TTN: variants seen among roughly 807,000 people sequenced by gnomAD.
The protein encoded by TTN is titin, also known as connectin.
In TTN, 1,525 loss-of-function variants were observed where a neutral mutation model predicts 3,223.0. The observed-to-expected ratio is 0.47, with a 90% confidence interval of 0.45 to 0.49. The LOEUF (loss-of-function observed/expected upper bound fraction) is 0.49. Among genes scored for constraint, TTN ranks in the 20% least tolerant of loss-of-function variants. TTN has a pLI of 0.00. For missense variants in TTN, 40,786 were observed against 43,424.0 expected, an observed-to-expected ratio of 0.94 and a Z score of 5.40; for synonymous variants, 14,094 against 15,161.0, an observed-to-expected ratio of 0.93 and a Z score of 5.17.
At chr2:178,626,546 G>T (rs1351297468) in intron 240 of TTN, among the ~76,000 whole-genome samples, 1 of 151,924 alleles carries the variant, frequency 6.6e-6, no homozygotes, top group Non-Finnish European at 1.5e-5. Flanking sequence ...CTAGTGTAAA[G>T]AAAAGAATCA....
rs1553719573 is a variant in TTN, at chr2:178,621,866, C to A, written c.45056G>T (p.Arg15019Ile). Residue 15019 changes from arginine (R) to isoleucine (I), a missense_variant, in exon 244 of 363, where the codon AGA becomes ATA. Arg to Ile is a moderately conservative substitution (Grantham distance 97, BLOSUM62 -3). Coordinates refer to ENST00000589042, the MANE Select transcript of TTN (RefSeq NM_001267550.2). ...CAGAACTGTCAGCATGCCAGAAGTTCTCGCTGTCCTTACTTCACAGGAATA... is the reference window on the plus strand; with the variant it reads ...CAGAACTGTCAGCATGCCAGAAGTTATCGCTGTCCTTACTTCACAGGAATA... The part of the protein sequence containing the change: ...AEYSCEVRTA[R>I]TSGMLTVLEE... 1.2e-6 allele frequency: 2 copies of A among 1,612,156 alleles called. No individual in the cohort carries two copies. Among genetic ancestry groups the A allele is most frequent in the Middle Eastern group, 3.3e-4 (2 of 6,044 alleles).
Position 178,713,109 on chromosome 2 carries a change from A to G in TTN, c.27025T>C (p.Cys9009Arg), listed in dbSNP as rs369287578. The G allele has an allele frequency of 6.2e-7, 1 of 1,613,640 alleles. No individual in the cohort carries two copies. Among genetic ancestry groups the G allele is most frequent in the Admixed American group, 1.7e-5 (1 of 60,002 alleles). Residue 9009 changes from cysteine to arginine, a missense_variant, in exon 93 of 363, where the codon TGT becomes CGT. Transcript: ENST00000589042. Reference sequence around the variant, plus strand: ...CCTCTCACAGTCAAAGGAGCACTACATTCATCAGAACCAGCCATATTAGTA... The same window carrying G: ...CCTCTCACAGTCAAAGGAGCACTACGTTCATCAGAACCAGCCATATTAGTA... ...IATNMAGSDE[C>R]SAPLTVREPP...
In TTN at chr2:178,723,472, C is replaced by T. The variant is rs2078788121; in HGVS notation, c.21628G>A (p.Val7210Met). The change falls in exon 74 of 363, where the codon GTG becomes ATG. Residue 7210 changes from valine (V) to methionine (M), a missense_variant. Physicochemically the swap from Val to Met is conservative, Grantham distance 21. Transcript: ENST00000589042. ...GCTTGGCCAGCGTTGTTAGAAACCA[C>T]ACAGGTGTATTCCCCACTCTGAGAT... ...DISQSGEYTC[V>M]VSNNAGQASC... The T allele has an allele frequency of 2.5e-6, 4 of 1,613,332 alleles. No individual in the cohort carries two copies. Among genetic ancestry groups the T allele is most frequent in the Non-Finnish European group, 3.4e-6 (4 of 1,179,594 alleles).
chr2:178,668,874 C>T (rs1196819611), intron 159 of TTN, among the ~76,000 whole-genome samples: 1 of 148,768 alleles, frequency 6.7e-6, no homozygotes, highest in South Asian at 2.1e-4. Context: ...TGTATGAAAC[C>T]CCCCCCCAAA....
Position 178,568,461 on chromosome 2 carries a change from G to A in TTN, c.77671C>T (p.Pro25891Ser). Residue 25891 changes from proline to serine, a missense_variant, in exon 326 of 363, where the codon CCT becomes TCT. By Grantham distance (74) the Pro-to-Ser change is moderately conservative. Transcript: ENST00000589042. The stretch of plus-strand genomic sequence containing the variant: ...TTAACAGGTCCTTTTGGAGGATCAG[G>A]TTTATCTAGAGTTACAATTTCGATG... Reference protein sequence around the residue: ...ASIEIVTLDKPDPPKGPVKFD... With the variant: ...ASIEIVTLDKSDPPKGPVKFD... 6.2e-7 allele frequency: 1 copy of A among 1,613,322 alleles called. No homozygotes were observed. Among genetic ancestry groups the A allele is most frequent in the Non-Finnish European group, 8.5e-7 (1 of 1,179,578 alleles).
chr2:178,688,077 C>T, intron 127 of TTN, 34 bp downstream of exon 127: 1 of 1,582,224 alleles, frequency 6.3e-7, no homozygotes, highest in Admixed American at 1.7e-5. Flanking sequence ...TCATCAAAAC[C>T]CCAGATCATC....
chr2:178,665,567 A>C, intron 164 of TTN, 107 bp from the exon 165 acceptor site: 1 of 1,377,454 alleles, frequency 7.3e-7, no homozygotes, highest in African/African-American at 1.4e-5. Context: ...TGATTCCTTT[A>C]AAGAATCTGA....
chr2:178,734,518 T>C lies in TTN; in HGVS notation c.15306A>G (p.Gly5102=). ...CTTTGAACCAGCTAATTTCAAATGG[T>C]CCAGTGCCTGAGACTTCACACTGAA... ...ALLQCEVSGT[G]PFEISWFKDK... Residue 5102 remains glycine (G), a synonymous_variant, in exon 52 of 363, where the codon GGA becomes GGG. Transcript: ENST00000589042. The C allele has an allele frequency of 1.2e-6, 2 of 1,613,496 alleles. No homozygotes were observed. Among genetic ancestry groups the C allele is most frequent in the African/African-American group, 2.7e-5 (2 of 75,044 alleles).
chr2:178,744,312 T>C (rs1011233157), intron 47 of TTN: 14 of 885,488 alleles, frequency 1.6e-5, no homozygotes, highest in Non-Finnish European at 1.9e-5. Flanking sequence ...TATTCTAAAT[T>C]GTATTAAGAA....
At chr2:178,627,931 T>C (rs1366428296) in intron 240 of TTN, among the ~76,000 whole-genome samples, 3 of 152,066 alleles carry the variant, frequency 2.0e-5, no homozygotes. Flanking sequence ...TCATGCATGA[T>C]AGGCAAAATA....
In TTN at chr2:178,540,123, A is replaced by G. The variant is rs759181028; in HGVS notation, c.98043T>C (p.Gly32681=). 1.9e-6 allele frequency: 3 copies of G among 1,611,856 alleles called. No homozygotes were observed. Among genetic ancestry groups the G allele is most frequent in the Non-Finnish European group, 2.5e-6 (3 of 1,178,270 alleles). The part of the protein sequence containing the change: ...YRFRVLACNA[G]GPGEPAEVPG... The stretch of plus-strand genomic sequence containing the variant: ...GTACCTCAGCAGGCTCACCAGGTCC[A>G]CCAGCATTACAAGCTAGGACGCGGA... Residue 32681 remains glycine, a synonymous_variant, in exon 351 of 363, where the codon GGT becomes GGC. Transcript: ENST00000589042.
Position 178,768,782 on chromosome 2 carries a change from G to A in TTN, c.9054C>T (p.Thr3018=). The A allele has an allele frequency of 6.2e-7, 1 of 1,613,978 alleles. No individual in the cohort carries two copies. The highest frequency in any genetic ancestry group is 8.5e-7 in the Non-Finnish European group (1 of 1,179,980). The change falls in exon 38 of 363, where the codon ACC becomes ACT. Residue 3018 remains threonine (T), a synonymous_variant. Transcript: ENST00000589042. ...IKSTDKCQMR[T]KKLTHSLNIR... ...TGTTCAGTGAGTGTGTGAGCTTTTT[G>A]GTTCTCATCTGGCACTTGTCAGTTG... is the stretch of plus-strand genomic sequence containing the variant.
In TTN at chr2:178,582,103, C is replaced by A; in HGVS notation, c.66266G>T (p.Gly22089Val). ...PADDGGSPIT[G>V]YLLEKRETQA... ...GGTTTCCCGCTTTTCAAGCAAATAGCCAGTGATGGGTGAGCCCCCATCATC... is the reference window on the plus strand; with the variant it reads ...GGTTTCCCGCTTTTCAAGCAAATAGACAGTGATGGGTGAGCCCCCATCATC... Residue 22089 changes from glycine (G) to valine (V), a missense_variant, in exon 315 of 363, where the codon GGC (glycine) becomes GTC (valine). Coordinates refer to ENST00000589042, the MANE Select transcript of TTN (RefSeq NM_001267550.2). 6.2e-7 allele frequency: 1 copy of A among 1,612,954 alleles called. No individual in the cohort carries two copies.
At chr2:178,797,029 A>G (rs2093804697) in intron 6 of TTN, among the ~76,000 whole-genome samples, 1 of 152,198 alleles carries the variant, frequency 6.6e-6, no homozygotes, top group Non-Finnish European at 1.5e-5. Context: ...TTGGAAAGCA[A>G]AATTTTGGGG....
At chr2:178,737,920 C>A in intron 49 of TTN, 162 bp downstream of exon 49, 1 of 705,758 alleles carries the variant, frequency 1.4e-6, no homozygotes, top group East Asian at 2.9e-5. Flanking sequence ...ATAATGATTT[C>A]TTATCCCATA....
intron 316 of TTN, 144 bp from the exon 317 acceptor site, chr2:178,580,753 A>G (rs1049056435): frequency 2.4e-6 from 2 of 816,408 alleles, no homozygotes; most frequent in Admixed American, 3.1e-5. Flanking sequence ...AATCCTCAAA[A>G]TCATTTTTCT....
Position 178,576,717 on chromosome 2 carries a change from A to T in TTN, c.69527T>A (p.Val23176Glu), listed in dbSNP as rs1258714685. Residue 23176 changes from valine to glutamate, a missense_variant, in exon 325 of 363, where the codon GTA (valine) becomes GAA (glutamate). Transcript: ENST00000589042. This position sits in a 1 kb window ranked among gnomAD's most constrained non-coding sequence, Gnocchi z 4.3. ...CAGGCTTTTCTTTTCTCTCCTTTCT[A>T]CATGATATCCTGTAATTTCGCTGCC... Reference protein sequence around the residue: ...DGGSEITGYHVERREKKSLRW... With the variant: ...DGGSEITGYHEERREKKSLRW... 6.2e-7 allele frequency: 1 copy of T among 1,613,410 alleles called. No individual in the cohort carries two copies.
In TTN at chr2:178,548,375, AC is replaced by A; in HGVS notation, c.93250del (p.Val31084PhefsTer10). On this transcript the variant is annotated frameshift_variant, in exon 339 of 363. Coordinates refer to ENST00000589042, the MANE Select transcript of TTN (RefSeq NM_001267550.2). LOFTEE classifies it high-confidence loss of function. This position sits in a 1 kb window ranked among gnomAD's most constrained non-coding sequence, Gnocchi z 4.3. ...IFKVNDLAEG[V>X]PYYFRVSAVN... is the part of the protein sequence containing the mutation. ...TGCAGAAACACGGAAATAGTACGGA[AC>A]ACCTTCGGCCAGGTCATTGACCTTG... 6.2e-7 allele frequency: 1 copy of A among 1,613,888 alleles called. No homozygotes were observed. Among genetic ancestry groups the A allele is most frequent in the Non-Finnish European group, 8.5e-7 (1 of 1,179,822 alleles).
intron 208 of TTN, among the ~76,000 whole-genome samples, 193 bp from the exon 209 acceptor site, chr2:178,651,027 CA>C (rs1339449124): frequency 2.6e-5 from 4 of 151,988 alleles, no homozygotes; most frequent in African/African-American, 9.7e-5. Context: ...ATAAAAGAAC[CA>C]AGTTAGTAAA....
Sources: gnomAD v4.1 joint callset for allele counts (sites outside exome capture counted in the v4.1 genomes callset) on GRCh38, gnomAD v4.1.1 for gene constraint, Gnocchi (gnomAD v3.1) non-coding constraint, MANE v1.5 for transcripts, NCBI Gene and HGNC (gene_info 2026-07-23, HGNC 2026-07-21) for gene names.